The following SEM1 variants were observed in gnomAD, a reference collection of about 807,000 sequenced individuals.
SEM1 encodes 26S proteasome complex subunit SEM1.
A neutral mutation model predicts 12.7 loss-of-function variants in SEM1; 3 were observed. The ratio of observed to expected loss-of-function variants is 0.24; its 90% CI spans 0.11 to 0.61. The LOEUF (loss-of-function observed/expected upper bound fraction) is 0.61, where lower values mean the gene tolerates loss of function less well. Ranked by LOEUF, SEM1 falls within the 20% of genes least tolerant of loss-of-function variation. The pLI, the probability that SEM1 is intolerant of heterozygous loss-of-function variation, is 0.88. For missense variants in SEM1, 59 were observed against 81.3 expected (o/e 0.73, Z 1.06); for synonymous variants, 30 against 27.8 (o/e 1.08, Z -0.25).
At chr7:96,593,942 T>C (rs1030565508) in intron 2 of SEM1, among the ~76,000 whole-genome samples, 2 of 151,914 alleles carry the variant, frequency 1.3e-5, no homozygotes, top group African/African-American at 4.8e-5. Flanking sequence ...AACTGGAATT[T>C]TTACCCCTCA....
At chr7:96,705,282 A>G (rs539615209) in intron 1 of SEM1, among the ~76,000 whole-genome samples, 3 of 152,056 alleles carry the variant, frequency 2.0e-5, no homozygotes, top group Admixed American at 2.0e-4. Flanking sequence ...ACTTAGTATA[A>G]TATCACTCTT....
intron 2 of SEM1, among the ~76,000 whole-genome samples, chr7:96,529,827 G>A (rs547720283): frequency 4.6e-5 from 7 of 152,146 alleles, no homozygotes; most frequent in African/African-American, 1.4e-4. Flanking sequence ...ACACACTTTG[G>A]GTTTAAAAAT....
At chr7:96,698,563 GCTT>G (rs1425281453) in intron 1 of SEM1, among the ~76,000 whole-genome samples, 5 of 152,198 alleles carry the variant, frequency 3.3e-5, no homozygotes, top group African/African-American at 9.6e-5. Flanking sequence ...ATGGTTTCCA[GCTT>G]CATCCATGTC....
intron 2 of SEM1, among the ~76,000 whole-genome samples, chr7:96,525,217 C>T (rs1189114916): frequency 6.6e-6 from 1 of 151,964 alleles, no homozygotes; most frequent in Non-Finnish European, 1.5e-5. Flanking sequence ...AATTACCCCT[C>T]CCTTTTCTTA....
chr7:96,694,748 A>T, intron 2 of SEM1, 50 bp downstream of exon 2: 2 of 1,171,282 alleles, frequency 1.7e-6, no homozygotes, highest in Non-Finnish European at 2.6e-6. Flanking sequence ...TACATATTCC[A>T]TGCTTATAAT....
chr7:96,673,515 A>T (rs1295117038), exon 3 of SEM1: 1 of 482,116 alleles, frequency 2.1e-6, no homozygotes, highest in Non-Finnish European at 3.7e-6. Flanking sequence ...AGCTACAGGA[A>T]GTATCATAAT....
chr7:96,593,217 G>C (rs1306012214), intron 2 of SEM1, among the ~76,000 whole-genome samples: 2 of 152,054 alleles, frequency 1.3e-5, no homozygotes, highest in Non-Finnish European at 2.9e-5. Context: ...AGTGCATTCT[G>C]AGCTTCCCAG....
downstream of SEM1, among the ~76,000 whole-genome samples, chr7:96,685,100 T>C (rs1789723013): frequency 6.6e-6 from 1 of 152,076 alleles, no homozygotes; most frequent in Non-Finnish European, 1.5e-5. Flanking sequence ...AGGAAGGATA[T>C]AAATGTTTAA....
chr7:96,572,997 T>C (rs1584773991), intron 2 of SEM1, among the ~76,000 whole-genome samples: 1 of 152,334 alleles, frequency 6.6e-6, no homozygotes, highest in South Asian at 2.1e-4. Flanking sequence ...TTAGGATAGT[T>C]AGCTCTTCTT....
At chr7:96,644,176 C>T (rs1808711957) in intron 2 of SEM1, among the ~76,000 whole-genome samples, 1 of 152,086 alleles carries the variant, frequency 6.6e-6, no homozygotes, top group South Asian at 2.1e-4. Flanking sequence ...TTTAGACATG[C>T]TCAGAAAGCC....
At chr7:96,554,131 T>TC (rs1407791497) in intron 2 of SEM1, among the ~76,000 whole-genome samples, 3 of 150,712 alleles carry the variant, frequency 2.0e-5, no homozygotes, top group Admixed American at 1.3e-4. Context: ...TACAATCATG[T>TC]CGTCTGCAAA....
intron 2 of SEM1, among the ~76,000 whole-genome samples, chr7:96,615,231 TTTGAGTCATC>T (rs1807672160): frequency 2.1e-5 from 3 of 140,630 alleles, no homozygotes; most frequent in Non-Finnish European, 3.1e-5. Context: ...TGGGTTATTT[TTTGAGTCATC>T]TTTTTTTTTT....
intron 2 of SEM1, among the ~76,000 whole-genome samples, chr7:96,539,478 C>T (rs536364145): frequency 1.3e-5 from 2 of 151,276 alleles, no homozygotes; most frequent in Admixed American, 6.6e-5. Context: ...TGTGTTGCTC[C>T]TACAATATGG....
At chr7:96,576,735 T>G (rs902949897) in intron 2 of SEM1, among the ~76,000 whole-genome samples, 3 of 152,164 alleles carry the variant, frequency 2.0e-5, no homozygotes, top group African/African-American at 7.2e-5. Flanking sequence ...TAGTTTTCTT[T>G]CTATGTTTAA....
chr7:96,701,040 T>G (rs1048566617), intron 1 of SEM1, among the ~76,000 whole-genome samples: 13 of 152,306 alleles, frequency 8.5e-5, no homozygotes, highest in Admixed American at 8.5e-4. Context: ...AGCTTAATTT[T>G]GAATATATTC....
chr7:96,569,154 C>G (rs1489288337), intron 2 of SEM1, among the ~76,000 whole-genome samples: 1 of 151,792 alleles, frequency 6.6e-6, no homozygotes, highest in Non-Finnish European at 1.5e-5. Context: ...TATTAGCATC[C>G]CAATAAGGAT....
chr7:96,697,535 C>T (rs1477915433), intron 1 of SEM1, among the ~76,000 whole-genome samples: 1 of 152,110 alleles, frequency 6.6e-6, no homozygotes, highest in African/African-American at 2.4e-5. Context: ...AAATCCCACT[C>T]ATACTAAATA....
At chr7:96,702,580 G>C (rs961106011) in intron 1 of SEM1, among the ~76,000 whole-genome samples, 2 of 152,252 alleles carry the variant, frequency 1.3e-5, no homozygotes, top group South Asian at 2.1e-4. Flanking sequence ...ATAACCTACT[G>C]AGTCAGAATC....
intron 2 of SEM1, among the ~76,000 whole-genome samples, chr7:96,590,214 TAC>T (rs1187773809): frequency 6.6e-6 from 1 of 152,148 alleles, no homozygotes; most frequent in Non-Finnish European, 1.5e-5. Context: ...CCAGATAAAA[TAC>T]AGAGTGCCTA....
Sources: allele counts gnomAD v4.1 joint callset (sites outside exome capture counted in the v4.1 genomes callset), GRCh38; gene constraint gnomAD v4.1.1; transcripts MANE v1.5; gene names NCBI Gene and HGNC (gene_info 2026-07-23, HGNC 2026-07-21).